DPP10: variants seen among roughly 807,000 people sequenced by gnomAD.
DPP10 encodes inactive dipeptidyl peptidase 10.
Under a neutral mutation model 120.9 loss-of-function variants are expected in DPP10, and 33 were observed. That is an observed-to-expected ratio of 0.27 (90% confidence interval 0.21 to 0.37). DPP10 has a LOEUF of 0.37. Ranked by LOEUF, DPP10 falls within the 10% of genes least tolerant of loss-of-function variation. The pLI is 1.00. For synonymous variants in DPP10, 337 were observed against 326.1 expected, an observed-to-expected ratio of 1.03 and a Z score of -0.36; for missense variants, 816 against 942.8, an observed-to-expected ratio of 0.87 and a Z score of 1.76.
chr2:114,731,954 T>C (rs981523812), intron 1 of DPP10, among the ~76,000 whole-genome samples: 2 of 152,288 alleles, frequency 1.3e-5, no homozygotes, highest in East Asian at 3.9e-4. Flanking sequence ...TCAATTGTTA[T>C]CTATTTTTCC....
intron 4 of DPP10, among the ~76,000 whole-genome samples, chr2:115,511,718 TC>T: frequency 7.8e-6 from 1 of 128,258 alleles, no homozygotes; most frequent in Non-Finnish European, 1.6e-5. Flanking sequence ...TTCTTCTTCT[TC>T]TTCTTCTTCT....
At chr2:115,491,268 T>C (rs965501984) in intron 3 of DPP10, among the ~76,000 whole-genome samples, 1 of 152,080 alleles carries the variant, frequency 6.6e-6, no homozygotes, top group Non-Finnish European at 1.5e-5. Context: ...AATAATGCAG[T>C]CAATGCATGG....
intron 1 of DPP10, among the ~76,000 whole-genome samples, chr2:115,269,595 G>A (rs547038388): frequency 1.3e-5 from 2 of 152,272 alleles, no homozygotes; most frequent in East Asian, 3.9e-4. Context: ...TCAGTTGCTT[G>A]CTATGCAGGT....
At chr2:115,445,978 G>A (rs574390843) in intron 3 of DPP10, among the ~76,000 whole-genome samples, 1 of 152,034 alleles carries the variant, frequency 6.6e-6, no homozygotes, top group Admixed American at 6.6e-5. Context: ...GGTCTAGGAG[G>A]TCTAGGAGGG....
At chr2:115,614,027 T>G (rs769108399) in intron 5 of DPP10, among the ~76,000 whole-genome samples, 23 of 152,148 alleles carry the variant, frequency 1.5e-4, no homozygotes, top group Non-Finnish European at 3.2e-4. Flanking sequence ...TGTAGACTGC[T>G]GATGGAGAGA....
At chr2:115,664,959 T>C (rs1446546429) in intron 5 of DPP10, among the ~76,000 whole-genome samples, 2 of 152,202 alleles carry the variant, frequency 1.3e-5, no homozygotes, top group African/African-American at 4.8e-5. Flanking sequence ...AGTGCTCTAG[T>C]CGCCTATGGC....
In DPP10 at chr2:115,380,113, C is replaced by T. The variant is rs188196107; in HGVS notation, c.271+36201C>T. ...TTCAATTCCTTGGTATCCTTGTTGA[C>T]TTTCTGTCTCGTTGATCTGTCTAAT... On this transcript the variant is annotated intron_variant, in intron 3 of 25. Coordinates refer to ENST00000410059, the MANE Select transcript of DPP10 (RefSeq NM_020868.6). Among the ~76,000 whole-genome samples the T allele has an allele frequency of 2.9e-4, 44 of 152,164 alleles. 1 individual carries two copies. The East Asian group carries it at 7.3e-3, about 25-fold the overall frequency.
Position 115,087,175 on chromosome 2 carries a change from A to G in DPP10, c.61-222064A>G, listed in dbSNP as rs1018980874. On this transcript the variant is annotated intron_variant, in intron 1 of 25. Transcript: ENST00000410059. ...TCTTATGGTAAAGCAGTTTTGATCCATAATGGTATTTTTAAAAGCTAAATT... is the reference window on the plus strand; with the variant it reads ...TCTTATGGTAAAGCAGTTTTGATCCGTAATGGTATTTTTAAAAGCTAAATT... Among the ~76,000 whole-genome samples the G allele has an allele frequency of 7.9e-5, 12 of 152,172 alleles. 1 individual carries two copies. Among genetic ancestry groups the G allele is most frequent in the Admixed American group, 7.9e-4 (12 of 15,274 alleles).
intron 5 of DPP10, among the ~76,000 whole-genome samples, chr2:115,558,405 T>A (rs2080354040): frequency 6.6e-6 from 1 of 152,196 alleles, no homozygotes. Flanking sequence ...GAGCAGTTAT[T>A]AATGAAAACC....
Position 115,689,864 on chromosome 2 carries a change from A to G in DPP10, c.519A>G (p.Pro173=), listed in dbSNP as rs1199903605. 1 of 1,613,924 alleles carries G rather than the reference A, an allele frequency of 6.2e-7. No individual in the cohort carries two copies. Among genetic ancestry groups the G allele is most frequent in the East Asian group, 2.2e-5 (1 of 44,854 alleles). The change falls in exon 7 of 26, where the codon CCA becomes CCG. Residue 173 remains proline, a synonymous_variant. Transcript: ENST00000410059. ...GGGAAGTTTGGGAGTTAAATCCTCC[A>G]GAAGTAGAGGACTCCGTCTTGCAGT... The part of the protein sequence containing the change: ...HTREVWELNP[P]EVEDSVLQYA...
chr2:114,558,356 G>A (rs1333428868), intron 1 of DPP10, among the ~76,000 whole-genome samples: 2 of 152,122 alleles, frequency 1.3e-5, no homozygotes, highest in East Asian at 1.9e-4. Context: ...TGAATGCATC[G>A]AGTTTTTATT....
At chr2:114,735,796 A>G (rs1233781666) in intron 1 of DPP10, among the ~76,000 whole-genome samples, 1 of 152,030 alleles carries the variant, frequency 6.6e-6, no homozygotes, top group African/African-American at 2.4e-5. Flanking sequence ...TTTTTTCTAA[A>G]TAAAGAAAAA....
chr2:115,827,541 ATTG>A lies in DPP10; in HGVS notation c.1951-8613_1951-8611del, dbSNP rs1284071158. ...CTACATGTTATAAATCCCAAAATAT[ATTG>A]TTATAATTTTTGCATTTAAAAGTCA... On this transcript the variant is annotated intron_variant, in intron 21 of 25. Transcript: ENST00000410059. Among the ~76,000 whole-genome samples the A allele has an allele frequency of 8.0e-5, 12 of 149,260 alleles. No individual in the cohort carries two copies. The East Asian group carries it at 2.3e-3, about 29-fold the overall frequency.
chr2:114,504,470 TCTC>T, intron 1 of DPP10, among the ~76,000 whole-genome samples: 1 of 152,158 alleles, frequency 6.6e-6, no homozygotes, highest in African/African-American at 2.4e-5. Flanking sequence ...ACTAAGCCCT[TCTC>T]CTCACCCTCT....
chr2:115,525,855 TAAG>T (rs758031757), intron 4 of DPP10, 40 bp from the exon 5 acceptor site: 2 of 1,455,804 alleles, frequency 1.4e-6, no homozygotes, highest in Non-Finnish European at 1.9e-6. Flanking sequence ...AAATTCATGT[TAAG>T]AAGTTTTTAA....
At chr2:114,632,511 T>TG (rs1199180860) in intron 1 of DPP10, among the ~76,000 whole-genome samples, 2 of 132,202 alleles carry the variant, frequency 1.5e-5, no homozygotes, top group East Asian at 4.3e-4. Context: ...GGGTTTTTTT[T>TG]TTTTTTTTTT....
chr2:114,621,433 G>A (rs1436269837), intron 1 of DPP10, among the ~76,000 whole-genome samples: 1 of 152,010 alleles, frequency 6.6e-6, no homozygotes, highest in East Asian at 1.9e-4. Context: ...CTCACTACAA[G>A]TTCTATAAGG....
intron 5 of DPP10, among the ~76,000 whole-genome samples, chr2:115,659,052 A>G (rs2088663133): frequency 6.6e-6 from 1 of 152,154 alleles, no homozygotes; most frequent in Non-Finnish European, 1.5e-5. Flanking sequence ...TAATGCCATT[A>G]TTATTGAGTG....
At chr2:114,545,052 A>G (rs1687273922) in intron 1 of DPP10, among the ~76,000 whole-genome samples, 1 of 152,012 alleles carries the variant, frequency 6.6e-6, no homozygotes, top group Admixed American at 6.6e-5. Flanking sequence ...GGGTTTCATC[A>G]TGTTGGCCAG....
Sources: allele counts gnomAD v4.1 joint callset (sites outside exome capture counted in the v4.1 genomes callset), GRCh38; gene constraint gnomAD v4.1.1; transcripts MANE v1.5; gene names NCBI Gene and HGNC (gene_info 2026-07-23, HGNC 2026-07-21).